Variants in CACNA2D3 observed in about 807,000 individuals in gnomAD.
CACNA2D3 encodes the protein calcium voltage-gated channel auxiliary subunit alpha2delta 3.
A neutral mutation model predicts 160.6 loss-of-function variants in CACNA2D3; 60 were observed. The ratio of observed to expected loss-of-function variants is 0.37; its 90% CI spans 0.30 to 0.46. The LOEUF is 0.46. Among genes scored for constraint, CACNA2D3 ranks in the 20% least tolerant of loss-of-function variants. The pLI is 1.00. For synonymous variants in CACNA2D3, 558 were observed against 492.9 expected (o/e 1.13, Z -1.75); for missense variants, 1,205 against 1,365.0 (o/e 0.88, Z 1.85).
chr3:54,175,153 T>A (rs1010218741), intron 2 of CACNA2D3, among the ~76,000 whole-genome samples: 1 of 152,242 alleles, frequency 6.6e-6, no homozygotes, highest in Admixed American at 6.5e-5. Context: ...TAGCACAGAC[T>A]GTGTCACACA....
intron 13 of CACNA2D3, among the ~76,000 whole-genome samples, chr3:54,805,571 A>T (rs1703099621): frequency 6.6e-6 from 1 of 152,200 alleles, no homozygotes; most frequent in Non-Finnish European, 1.5e-5. Flanking sequence ...TAGCTTACCA[A>T]CCAAAAAGAG....
chr3:54,791,768 A>G (rs1702762274), intron 13 of CACNA2D3, among the ~76,000 whole-genome samples: 1 of 152,202 alleles, frequency 6.6e-6, no homozygotes, highest in South Asian at 2.1e-4. Flanking sequence ...TAAAGAGGAC[A>G]GATTCCAGAA....
At chr3:54,947,776 G>A (rs1349492600) in intron 27 of CACNA2D3, among the ~76,000 whole-genome samples, 1 of 152,140 alleles carries the variant, frequency 6.6e-6, no homozygotes, top group Non-Finnish European at 1.5e-5. Context: ...TAGCCCTAAG[G>A]CAACTAGAAG....
chr3:54,530,129 T>C (rs962193657), intron 5 of CACNA2D3, among the ~76,000 whole-genome samples: 1 of 152,206 alleles, frequency 6.6e-6, no homozygotes, highest in African/African-American at 2.4e-5. Context: ...CCTTCACTTC[T>C]TGGGATTCCT....
intron 11 of CACNA2D3, among the ~76,000 whole-genome samples, chr3:54,747,159 G>A (rs11914640): frequency 6.6e-6 from 1 of 151,754 alleles, no homozygotes; most frequent in Non-Finnish European, 1.5e-5. Flanking sequence ...TAAAGTGTTG[G>A]CCACAGCCTA....
rs1250171142 is a variant in CACNA2D3 at position 54,950,169 on chromosome 3, C to T, written c.2450-18281C>T. Among the ~76,000 whole-genome samples, 4 of 152,178 alleles carry T rather than the reference C, an allele frequency of 2.6e-5. No homozygotes were observed. The East Asian group carries it at 5.8e-4, about 22-fold the overall frequency. On this transcript the variant is annotated intron_variant, in intron 27 of 37. Transcript: ENST00000474759. ...AGTAGGGAACTGGGAGAACTATTTC[C>T]ATACAGCCGAGGTAGCTTTCTTGTT...
At chr3:54,288,859 A>G (rs932864492) in intron 2 of CACNA2D3, among the ~76,000 whole-genome samples, 3 of 152,220 alleles carry the variant, frequency 2.0e-5, no homozygotes, top group Non-Finnish European at 4.4e-5. Context: ...AAGGCCTTTG[A>G]CAAAATTCAA....
At chr3:54,954,426 G>A (rs1409984330) in intron 27 of CACNA2D3, among the ~76,000 whole-genome samples, 3 of 152,246 alleles carry the variant, frequency 2.0e-5, no homozygotes, top group Non-Finnish European at 4.4e-5. Context: ...ACTGTGTGGA[G>A]CAGAATACTC....
rs184432504 is a variant in CACNA2D3 at position 55,006,465 on chromosome 3, G to C, written c.2767-1325G>C. Among the ~76,000 whole-genome samples the C allele has an allele frequency of 3.9e-3, 594 of 152,188 alleles. 3 individuals are homozygous for C. The highest frequency in any genetic ancestry group is 5.5e-3 in the Admixed American group (84 of 15,278). On this transcript the variant is annotated intron_variant, in intron 32 of 37. Coordinates refer to ENST00000474759, the MANE Select transcript of CACNA2D3 (RefSeq NM_018398.3). ...CATCGTCCCATAGTCTGACCAGCCC[G>C]GTCTTTTTGAAAGCAAGATGATTAT...
intron 27 of CACNA2D3, among the ~76,000 whole-genome samples, chr3:54,949,547 C>T (rs1701702530): frequency 1.3e-5 from 2 of 152,188 alleles, no homozygotes; most frequent in South Asian, 4.1e-4. Context: ...CAGCTCAGAA[C>T]TTGTGTAAAT....
chr3:54,878,778 T>C (rs1310860447), intron 18 of CACNA2D3: 2 of 350,812 alleles, frequency 5.7e-6, no homozygotes, highest in Non-Finnish European at 1.0e-5. Context: ...TCGCCAAGGC[T>C]CTTTTGTTAT....
chr3:54,687,121 C>CTTTTTCTTTTTCTTTTTCTTTTTT, intron 11 of CACNA2D3, among the ~76,000 whole-genome samples: 26 of 94,940 alleles, frequency 2.7e-4, no homozygotes, highest in African/African-American at 9.6e-4. Flanking sequence ...TTTTCTTTTT[C>CTTTTTCTTTTTCTTTTTCTTTTTT]TTTTTTTTTT....
chr3:54,807,316 G>A (rs1703157190), intron 13 of CACNA2D3, among the ~76,000 whole-genome samples: 1 of 152,078 alleles, frequency 6.6e-6, no homozygotes. Flanking sequence ...CTAACAAAGG[G>A]CTAATATCCA....
At position 54,501,406 on chromosome 3, in the gene CACNA2D3, A is replaced by ATTT. The variant is rs35135959; in HGVS notation, c.382-2073_382-2071dup. On this transcript the variant is annotated intron_variant, in intron 4 of 37. Coordinates refer to ENST00000474759, the MANE Select transcript of CACNA2D3 (RefSeq NM_018398.3). Reference sequence around the variant, plus strand: ...CTTCATTTATTCTTGCTCTAACACTATTTTTTTTTTTTTTTGGTAAGACAG... The same window carrying ATTT: ...CTTCATTTATTCTTGCTCTAACACTATTTTTTTTTTTTTTTTTTGGTAAGACAG... 2.0e-4 allele frequency among the ~76,000 whole-genome samples: 27 copies of ATTT among 137,484 alleles called. 1 individual carries two copies. The highest frequency in any genetic ancestry group is 1.4e-3 in the South Asian group (6 of 4,352). 90.2% of individuals were successfully genotyped at this position (137,484 alleles called of 152,430 possible). A position where few individuals can be genotyped will look rare whatever the true frequency, so the allele number is the denominator to read the frequency against.
At chr3:54,765,568 C>A (rs1702209344) in intron 13 of CACNA2D3, among the ~76,000 whole-genome samples, 2 of 152,078 alleles carry the variant, frequency 1.3e-5, no homozygotes, top group Non-Finnish European at 2.9e-5. Flanking sequence ...TTCATCTTTT[C>A]TTGTATGTTG....
intron 3 of CACNA2D3, among the ~76,000 whole-genome samples, chr3:54,352,115 C>T (rs1485252766): frequency 6.6e-6 from 1 of 152,256 alleles, no homozygotes; most frequent in South Asian, 2.1e-4. Flanking sequence ...TCTTATAATC[C>T]ACTTGGACTT....
intron 4 of CACNA2D3, among the ~76,000 whole-genome samples, chr3:54,469,183 C>G (rs1700685035): frequency 6.6e-6 from 1 of 152,200 alleles, no homozygotes; most frequent in Non-Finnish European, 1.5e-5. Flanking sequence ...AGAGCTCTGA[C>G]TGGCATCTGG....
intron 11 of CACNA2D3, among the ~76,000 whole-genome samples, chr3:54,669,321 G>A (rs549262051): frequency 6.6e-6 from 1 of 152,210 alleles, no homozygotes; most frequent in African/African-American, 2.4e-5. Context: ...TGCTCAAGGA[G>A]CATTGTGTAA....
At chr3:55,035,245 CCTT>C (rs1703788078) in intron 35 of CACNA2D3, among the ~76,000 whole-genome samples, 1 of 152,078 alleles carries the variant, frequency 6.6e-6, no homozygotes, top group Non-Finnish European at 1.5e-5. Context: ...TATTTACAAA[CCTT>C]CTGATACTAC....
Sources: allele counts gnomAD v4.1 joint callset (sites outside exome capture counted in the v4.1 genomes callset), GRCh38; gene constraint gnomAD v4.1.1; transcripts MANE v1.5; gene names NCBI Gene and HGNC (gene_info 2026-07-23, HGNC 2026-07-21).